The following CATSPERE variants were observed in gnomAD, a reference collection of about 807,000 sequenced individuals.
CATSPERE encodes the protein catsper channel auxiliary subunit epsilon.
A neutral mutation model predicts 114.1 loss-of-function variants in CATSPERE; 93 were observed. The observed-to-expected ratio is 0.81, with a 90% CI of 0.69 to 0.97. The LOEUF is 0.97. Among genes scored for constraint, CATSPERE ranks in the 50% least tolerant of loss-of-function variants. The pLI, the probability that CATSPERE is intolerant of heterozygous loss-of-function variation, is 0.00. For synonymous variants in CATSPERE, 341 were observed against 384.1 expected (o/e 0.89, Z 1.31); for missense variants, 1,058 against 1,131.6 (o/e 0.93, Z 0.93).
intron 8 of CATSPERE, among the ~76,000 whole-genome samples, chr1:244,534,408 C>T (rs932115860): frequency 9.9e-5 from 15 of 152,166 alleles, no homozygotes; most frequent in Admixed American, 7.2e-4. Flanking sequence ...AGATTTGCCC[C>T]GTTGAGGCTG....
intron 2 of CATSPERE, among the ~76,000 whole-genome samples, chr1:244,474,062 C>T (rs541120166): frequency 3.1e-4 from 47 of 151,744 alleles, no homozygotes; most frequent in South Asian, 2.3e-3. Flanking sequence ...GATGGAGTCC[C>T]GCCCTGTCAC....
At chr1:244,540,333 C>T (rs1658445258) in intron 8 of CATSPERE, among the ~76,000 whole-genome samples, 1 of 47,648 alleles carries the variant, frequency 2.1e-5, no homozygotes, top group African/African-American at 5.1e-5. Flanking sequence ...AATCAATGTA[C>T]AAAAATCACA....
intron 5 of CATSPERE, among the ~76,000 whole-genome samples, chr1:244,483,355 A>G (rs778338701): frequency 1.6e-4 from 24 of 152,224 alleles, no homozygotes; most frequent in African/African-American, 5.5e-4. Context: ...TAAAAGTACA[A>G]TTGCCTAAAA....
upstream of CATSPERE, among the ~76,000 whole-genome samples, chr1:244,452,900 T>C (rs1439529323): frequency 6.6e-6 from 1 of 152,198 alleles, no homozygotes; most frequent in African/African-American, 2.4e-5. Flanking sequence ...TTAACTATGA[T>C]GTTTAATTCT....
intron 6 of CATSPERE, among the ~76,000 whole-genome samples, chr1:244,496,399 CA>C (rs1673091145): frequency 6.6e-6 from 1 of 152,160 alleles, no homozygotes; most frequent in African/African-American, 2.4e-5. Flanking sequence ...GACAGAAGAG[CA>C]AACTGGCCAA....
At position 244,538,652 on chromosome 1, in the gene CATSPERE, G is replaced by A. The variant is rs531041438; in HGVS notation, c.537-13670G>A. 3.9e-5 allele frequency among the ~76,000 whole-genome samples: 6 copies of A among 152,262 alleles called. No homozygotes were observed. The South Asian group carries it at 8.3e-4, about 21-fold the overall frequency. On this transcript the variant is annotated intron_variant, in intron 8 of 21. Coordinates refer to ENST00000366534, the MANE Select transcript of CATSPERE (RefSeq NM_001130957.2). Reference sequence around the variant, plus strand: ...AATTGTTTCTCTTTGATCATGTTACGTGTCTCCCAAGCTACACAGTGCCAC... The same window carrying A: ...AATTGTTTCTCTTTGATCATGTTACATGTCTCCCAAGCTACACAGTGCCAC...
upstream of CATSPERE, among the ~76,000 whole-genome samples, chr1:244,457,934 T>C (rs1028422975): frequency 1.3e-5 from 2 of 152,204 alleles, no homozygotes; most frequent in African/African-American, 4.8e-5. Context: ...AATTCTAATA[T>C]GACTTAGGAT....
chr1:244,482,444 C>T (rs529002065), intron 5 of CATSPERE, among the ~76,000 whole-genome samples: 102 of 151,440 alleles, frequency 6.7e-4, no homozygotes, highest in Non-Finnish European at 1.2e-3. Context: ...CTACAAAAAA[C>T]GTTAAAAAGT....
At chr1:244,556,918 A>T (rs1429300167) in intron 9 of CATSPERE, among the ~76,000 whole-genome samples, 1 of 146,932 alleles carries the variant, frequency 6.8e-6, no homozygotes, top group Non-Finnish European at 1.5e-5. Context: ...ATTACAGCAT[A>T]AAAGAATTTT....
At chr1:244,521,703 A>T (rs1677601972) in intron 8 of CATSPERE, among the ~76,000 whole-genome samples, 1 of 152,236 alleles carries the variant, frequency 6.6e-6, no homozygotes, top group Non-Finnish European at 1.5e-5. Flanking sequence ...TTATTGTCTC[A>T]GGATACTGAA....
chr1:244,594,299 A>C (rs1668097321), intron 17 of CATSPERE, among the ~76,000 whole-genome samples: 1 of 152,210 alleles, frequency 6.6e-6, no homozygotes, highest in Admixed American at 6.5e-5. Context: ...CAGCCTGGGC[A>C]ACAGAGTGAG....
At chr1:244,593,917 T>A (rs1668045387) in intron 17 of CATSPERE, among the ~76,000 whole-genome samples, 1 of 152,212 alleles carries the variant, frequency 6.6e-6, no homozygotes, top group Non-Finnish European at 1.5e-5. Context: ...GTGATATAAC[T>A]TCTCTTTCCA....
At chr1:244,468,253 C>T (rs761728224) in intron 2 of CATSPERE, among the ~76,000 whole-genome samples, 15 of 151,852 alleles carry the variant, frequency 9.9e-5, no homozygotes, top group Admixed American at 2.6e-4. Flanking sequence ...CCACCACGCC[C>T]GGCTAATTTT....
intron 19 of CATSPERE, among the ~76,000 whole-genome samples, chr1:244,611,797 G>A (rs1234544825): frequency 2.0e-5 from 3 of 152,084 alleles, no homozygotes; most frequent in African/African-American, 4.8e-5. Context: ...AGATTCTGCC[G>A]AAATAACATA....
At chr1:244,490,552 T>C in intron 6 of CATSPERE, 81 bp downstream of exon 6, 1 of 897,632 alleles carries the variant, frequency 1.1e-6, no homozygotes, top group Non-Finnish European at 1.8e-6. Context: ...ATTTACCAGA[T>C]GAGGAATTTT....
chr1:244,588,912 T>C (rs886594533), intron 14 of CATSPERE, among the ~76,000 whole-genome samples: 3 of 152,162 alleles, frequency 2.0e-5, no homozygotes, highest in South Asian at 4.1e-4. Flanking sequence ...AGTTATAATT[T>C]CATTTCCATC....
intron 20 of CATSPERE, among the ~76,000 whole-genome samples, chr1:244,634,003 A>G (rs1358098282): frequency 6.6e-6 from 1 of 151,768 alleles, no homozygotes; most frequent in Non-Finnish European, 1.5e-5. Context: ...AGCTGGGATT[A>G]TAGGCACAGA....
intron 7 of CATSPERE, among the ~76,000 whole-genome samples, chr1:244,516,191 AAATAATAAT>A (rs146704402): frequency 2.7e-5 from 4 of 150,170 alleles, no homozygotes; most frequent in South Asian, 4.2e-4. Flanking sequence ...ACCTTGTCTC[AAATAATAAT>A]AATAATAATA....
chr1:244,595,518 A>G (rs575987195), intron 17 of CATSPERE, among the ~76,000 whole-genome samples: 70 of 152,324 alleles, frequency 4.6e-4, no homozygotes, highest in African/African-American at 1.7e-3. Context: ...AAACGGTGTG[A>G]TATTGTTGAG....
Sources: gnomAD v4.1 joint callset for allele counts (sites outside exome capture counted in the v4.1 genomes callset) on GRCh38, gnomAD v4.1.1 for gene constraint, MANE v1.5 for transcripts, NCBI Gene and HGNC (gene_info 2026-07-23, HGNC 2026-07-21) for gene names.